The following ADGRL4 variants were observed in gnomAD, a reference collection of about 807,000 sequenced individuals.
The protein encoded by ADGRL4 is EGF, latrophilin and seven transmembrane domain containing 1.
ADGRL4 carries 90 observed loss-of-function variants against 74.8 expected under a neutral mutation model. That is an observed-to-expected ratio of 1.20 (90% CI 1.02 to 1.43). ADGRL4 has a LOEUF of 1.43. ADGRL4 is among the 40% of genes most tolerant of loss of function. The pLI, the probability that ADGRL4 is intolerant of heterozygous loss-of-function variation, is 0.00. For synonymous variants in ADGRL4, 311 were observed against 279.2 expected (o/e 1.11, Z -1.14); for missense variants, 881 against 814.3 (o/e 1.08, Z -1.00).
At chr1:78,936,529 A>G in intron 6 of ADGRL4, 118 bp from the exon 7 acceptor site, 2 of 902,624 alleles carry the variant, frequency 2.2e-6, no homozygotes, top group Non-Finnish European at 3.2e-6. Context: ...TATTTATAAC[A>G]AGTAGAGTGA....
At chr1:79,005,637 T>C (rs924512824) in intron 1 of ADGRL4, among the ~76,000 whole-genome samples, 3 of 152,152 alleles carry the variant, frequency 2.0e-5, no homozygotes, top group Non-Finnish European at 2.9e-5. Context: ...GAAGGTAAAT[T>C]GAGTATTCAG....
intron 6 of ADGRL4, among the ~76,000 whole-genome samples, chr1:78,937,264 G>A (rs1372695890): frequency 6.6e-6 from 1 of 152,156 alleles, no homozygotes. Context: ...GGCCAACATG[G>A]TGAAACCCCA....
chr1:78,957,173 A>G (rs549551050), intron 2 of ADGRL4, among the ~76,000 whole-genome samples: 71 of 152,250 alleles, frequency 4.7e-4, no homozygotes, highest in African/African-American at 1.6e-3. Context: ...CAGTCTCTCC[A>G]TTGCTCAGCC....
intron 2 of ADGRL4, among the ~76,000 whole-genome samples, chr1:78,984,069 A>C (rs1027350066): frequency 4.6e-5 from 7 of 151,864 alleles, no homozygotes; most frequent in Non-Finnish European, 7.4e-5. Flanking sequence ...AAACAACATT[A>C]CTACATAAGC....
intron 12 of ADGRL4, among the ~76,000 whole-genome samples, chr1:78,915,054 T>C (rs928539756): frequency 1.3e-5 from 2 of 151,898 alleles, no homozygotes; most frequent in Non-Finnish European, 2.9e-5. Context: ...ATTCTCTTCA[T>C]TGTACATATC....
At chr1:78,938,768 A>G (rs973314) in intron 4 of ADGRL4, among the ~76,000 whole-genome samples, 11,150 of 152,118 alleles carry the variant, frequency 0.073, 473 homozygotes, top group African/African-American at 0.11. Context: ...CACATTTTCA[A>G]TCATACGACA....
At chr1:78,998,680 T>A (rs776183496) in intron 2 of ADGRL4, among the ~76,000 whole-genome samples, 6 of 152,162 alleles carry the variant, frequency 3.9e-5, no homozygotes, top group Non-Finnish European at 8.8e-5. Context: ...TCTTAAAATA[T>A]CTTCATATAT....
At chr1:78,993,783 T>C (rs780418626) in intron 2 of ADGRL4, among the ~76,000 whole-genome samples, 17 of 152,036 alleles carry the variant, frequency 1.1e-4, no homozygotes, top group East Asian at 1.9e-4. Context: ...CTGTGTTAGC[T>C]AGGATGGTCT....
intron 12 of ADGRL4, among the ~76,000 whole-genome samples, chr1:78,895,205 T>C (rs1648368253): frequency 6.6e-6 from 1 of 152,194 alleles, no homozygotes; most frequent in Non-Finnish European, 1.5e-5. Context: ...AGTTTCATGT[T>C]ATCCAAAAAT....
intron 2 of ADGRL4, among the ~76,000 whole-genome samples, chr1:78,998,776 T>G (rs756284757): frequency 6.6e-6 from 1 of 152,152 alleles, no homozygotes; most frequent in Non-Finnish European, 1.5e-5. Flanking sequence ...CTCAATGAGA[T>G]TCACTTTCTT....
intron 2 of ADGRL4, among the ~76,000 whole-genome samples, chr1:79,004,836 C>A (rs1034590343): frequency 6.6e-6 from 1 of 152,076 alleles, no homozygotes; most frequent in Non-Finnish European, 1.5e-5. Context: ...AAAAGGAAAT[C>A]TTTAATATTT....
chr1:78,946,801 G>A (rs1382649858), intron 2 of ADGRL4, among the ~76,000 whole-genome samples: 1 of 152,050 alleles, frequency 6.6e-6, no homozygotes, highest in African/African-American at 2.4e-5. Context: ...AATTAAAAAT[G>A]AAAAATCAGA....
chr1:78,914,197 A>C (rs1471206634), intron 12 of ADGRL4, among the ~76,000 whole-genome samples: 2 of 151,878 alleles, frequency 1.3e-5, no homozygotes, highest in East Asian at 3.9e-4. Flanking sequence ...TCACATCCAC[A>C]AACAAGGTCC....
At position 78,939,092 on chromosome 1, in the gene ADGRL4, A is replaced by C; in HGVS notation, c.396+96T>G. 2.9e-6 allele frequency: 4 copies of C among 1,366,946 alleles called. No homozygotes were observed. The South Asian group carries it at 6.4e-5, about 22-fold the overall frequency. The allele number at this position is 1,366,946 out of a possible 1,614,324, so 84.7% of individuals were successfully genotyped here. Reference sequence around the variant, plus strand: ...CGTTTTCGACTCTCCCTAAAGTTTGACTACTGTTTACTCTTCTTGAAATGT... The same window carrying C: ...CGTTTTCGACTCTCCCTAAAGTTTGCCTACTGTTTACTCTTCTTGAAATGT... On this transcript the variant is annotated intron_variant, in intron 4 of 14. Coordinates refer to ENST00000370742, the MANE Select transcript of ADGRL4 (RefSeq NM_022159.4).
At chr1:78,920,155 A>G in intron 10 of ADGRL4, 28 bp downstream of exon 10, 3 of 1,558,442 alleles carry the variant, frequency 1.9e-6, no homozygotes, top group Non-Finnish European at 2.6e-6. Flanking sequence ...ATCATAGGAC[A>G]AAAATAGAGA....
chr1:78,928,593 T>C (rs773814433), intron 7 of ADGRL4, among the ~76,000 whole-genome samples: 10 of 151,512 alleles, frequency 6.6e-5, no homozygotes, highest in Non-Finnish European at 8.8e-5. Flanking sequence ...CCTGTATTTG[T>C]TAACATTACC....
intron 12 of ADGRL4, among the ~76,000 whole-genome samples, chr1:78,905,102 T>G (rs1648608254): frequency 6.6e-6 from 1 of 152,060 alleles, no homozygotes; most frequent in Admixed American, 6.6e-5. Flanking sequence ...CAATATGTTC[T>G]TAATATAGAG....
intron 2 of ADGRL4, among the ~76,000 whole-genome samples, chr1:78,949,855 T>C (rs1451952126): frequency 6.6e-6 from 1 of 152,184 alleles, no homozygotes; most frequent in African/African-American, 2.4e-5. Flanking sequence ...ATTGTAGATA[T>C]ATTTTAAAAT....
At chr1:78,952,746 C>G (rs186495403) in intron 2 of ADGRL4, among the ~76,000 whole-genome samples, 1 of 151,998 alleles carries the variant, frequency 6.6e-6, no homozygotes, top group Non-Finnish European at 1.5e-5. Context: ...CAGAGTTATA[C>G]AAGAATAAAA....
Sources: allele counts gnomAD v4.1 joint callset (sites outside exome capture counted in the v4.1 genomes callset), GRCh38; gene constraint gnomAD v4.1.1; transcripts MANE v1.5; gene names NCBI Gene and HGNC (gene_info 2026-07-23, HGNC 2026-07-21).